The following GATA4 variants were observed in gnomAD, a reference collection of about 807,000 sequenced individuals.
GATA4 encodes the protein transcription factor GATA-4.
A neutral mutation model predicts 37.9 loss-of-function variants in GATA4; 7 were observed. That is an observed-to-expected ratio of 0.18 (90% CI 0.11 to 0.35). The LOEUF (loss-of-function observed/expected upper bound fraction) is 0.35. Ranked by LOEUF, GATA4 falls within the 10% of genes least tolerant of loss-of-function variation. The pLI, the probability that GATA4 is intolerant of heterozygous loss-of-function variation, is 1.00. For missense variants in GATA4, 647 were observed against 653.0 expected (o/e 0.99, Z 0.10); for synonymous variants, 372 against 292.6 (o/e 1.27, Z -2.77).
chr8:11,715,064 G>A (rs1291663035), intron 2 of GATA4, among the ~76,000 whole-genome samples: 1 of 152,116 alleles, frequency 6.6e-6, no homozygotes, highest in African/African-American at 2.4e-5. Context: ...TTTTATGCAC[G>A]TGGCACATAC....
chr8:11,706,574 AATTTGTC>A (rs1799898446), intron 1 of GATA4, among the ~76,000 whole-genome samples: 1 of 152,248 alleles, frequency 6.6e-6, no homozygotes, highest in African/African-American at 2.4e-5. Flanking sequence ...GAGGCTAAGT[AATTTGTC>A]TAAAGGTGTT....
intron 1 of GATA4, chr8:11,681,145 C>A: frequency 1.0e-6 from 1 of 985,400 alleles, no homozygotes; most frequent in Non-Finnish European, 1.2e-6. Flanking sequence ...CAGGGAATCT[C>A]CAGCTCCGTT....
chr8:11,750,285 C>A (rs372504154), intron 4 of GATA4, 49 bp downstream of exon 4: 2 of 1,605,594 alleles, frequency 1.2e-6, no homozygotes, highest in Non-Finnish European at 1.7e-6. Flanking sequence ...TGATGCCCAT[C>A]TCTCAGTCCT....
chr8:11,751,686 C>T (rs1802312971), intron 4 of GATA4, among the ~76,000 whole-genome samples: 1 of 152,176 alleles, frequency 6.6e-6, no homozygotes, highest in African/African-American at 2.4e-5. Flanking sequence ...AGAAGCTGCC[C>T]AGATAGCCAT....
chr8:11,698,635 C>T (rs930689952), intron 1 of GATA4, among the ~76,000 whole-genome samples: 9 of 152,138 alleles, frequency 5.9e-5, no homozygotes, highest in Middle Eastern at 3.2e-3. Flanking sequence ...GCTCCCTATG[C>T]CTCAGAAAGG....
chr8:11,722,079 C>T (rs538634144), intron 2 of GATA4, among the ~76,000 whole-genome samples: 1 of 152,314 alleles, frequency 6.6e-6, no homozygotes, highest in East Asian at 1.9e-4. Flanking sequence ...AACTCCTGGG[C>T]TTAAGCGATC....
intron 2 of GATA4, among the ~76,000 whole-genome samples, chr8:11,719,325 A>G (rs1306854538): frequency 6.6e-6 from 1 of 152,168 alleles, no homozygotes; most frequent in Non-Finnish European, 1.5e-5. Context: ...AGGCGGGGAA[A>G]ACAAACAACA....
chr8:11,712,259 T>C (rs1800219437), intron 2 of GATA4, among the ~76,000 whole-genome samples: 2 of 152,194 alleles, frequency 1.3e-5, no homozygotes, highest in African/African-American at 2.4e-5. Flanking sequence ...GGATTGTTCG[T>C]GGTAAACCTG....
At chr8:11,705,790 T>A (rs978326206) in intron 1 of GATA4, 23 of 152,256 alleles carry the variant, frequency 1.5e-4, no homozygotes, top group African/African-American at 5.5e-4. Flanking sequence ...GCAGAGAATG[T>A]GATAAAGACA....
chr8:11,683,426 G>A (rs976465466), intron 1 of GATA4, among the ~76,000 whole-genome samples: 1 of 150,418 alleles, frequency 6.6e-6, no homozygotes, highest in Non-Finnish European at 1.5e-5. Context: ...TGGGTTGGAG[G>A]TATCGTTTTT....
rs1554488911 is a variant in GATA4 at position 11,709,577 on chromosome 8, G to GGGGGGGGGA, written c.616+657_616+658insAGGGGGGGG. Among the ~76,000 whole-genome samples the GGGGGGGGGA allele has an allele frequency of 2.5e-4, 34 of 136,466 alleles. No individual in the cohort carries two copies. In the South Asian group the frequency reaches 2.6e-3, roughly 11 times the overall value. The allele number at this position is 136,466 out of a possible 152,430, so 89.5% of individuals were successfully genotyped here. A position where few individuals can be genotyped will look rare whatever the true frequency, so the allele number is the denominator to read the frequency against. On this transcript the variant is annotated intron_variant, in intron 2 of 6. Transcript: ENST00000532059. The surrounding 1 kb of genome is among the most constrained non-coding windows in gnomAD (Gnocchi z 4.3). ...GCGTGGGCGCATCATGCGGGCAGCGGGGGGGGGGGCGCACACGCCCGGTCA... is the reference window on the plus strand; with the variant it reads ...GCGTGGGCGCATCATGCGGGCAGCGGGGGGGGGGAGGGGGGGGGCGCACACGCCCGGTCA...
chr8:11,685,825 G>A (rs749355819), intron 1 of GATA4, among the ~76,000 whole-genome samples: 2 of 152,168 alleles, frequency 1.3e-5, no homozygotes, highest in Non-Finnish European at 2.9e-5. Flanking sequence ...CCAGGTGTGG[G>A]GTAGTGATGG....
At chr8:11,751,514 T>A (rs1328827755) in intron 4 of GATA4, among the ~76,000 whole-genome samples, 4 of 152,212 alleles carry the variant, frequency 2.6e-5, no homozygotes. Context: ...ACCCCCTTGG[T>A]ACCTTAGACG....
intron 2 of GATA4, among the ~76,000 whole-genome samples, chr8:11,727,040 G>C (rs34960871): frequency 1.3e-5 from 2 of 152,080 alleles, no homozygotes; most frequent in Admixed American, 6.6e-5. Flanking sequence ...GAGGCACCAG[G>C]AGAGCTGTGC....
intron 1 of GATA4, among the ~76,000 whole-genome samples, chr8:11,677,928 G>T (rs903465675): frequency 6.6e-6 from 1 of 151,820 alleles, no homozygotes; most frequent in African/African-American, 2.4e-5. Context: ...CATACAAGTC[G>T]AAATTACCTC....
At chr8:11,729,587 T>A (rs909199517) in intron 2 of GATA4, among the ~76,000 whole-genome samples, 50 of 150,760 alleles carry the variant, frequency 3.3e-4, no homozygotes, top group Non-Finnish European at 4.4e-4. Flanking sequence ...GCTACTTAGG[T>A]TGAACACAGA....
chr8:11,680,389 T>C, intron 1 of GATA4: 1 of 757,784 alleles, frequency 1.3e-6, no homozygotes, highest in Non-Finnish European at 1.6e-6. Context: ...TCGGATTCAT[T>C]GCCACTTTCC....
intron 2 of GATA4, among the ~76,000 whole-genome samples, chr8:11,739,082 G>C (rs927378996): frequency 2.0e-5 from 3 of 152,324 alleles, no homozygotes; most frequent in South Asian, 2.1e-4. Context: ...GGTGGAAAAA[G>C]TACTTTGTAC....
At chr8:11,715,357 A>C (rs1379992993) in intron 2 of GATA4, among the ~76,000 whole-genome samples, 1 of 152,214 alleles carries the variant, frequency 6.6e-6, no homozygotes, top group Non-Finnish European at 1.5e-5. Flanking sequence ...AACCACCTTA[A>C]TCATTTTTAT....
Sources: gnomAD v4.1 joint callset for allele counts (sites outside exome capture counted in the v4.1 genomes callset) on GRCh38, gnomAD v4.1.1 for gene constraint, Gnocchi (gnomAD v3.1) non-coding constraint, MANE v1.5 for transcripts, NCBI Gene and HGNC (gene_info 2026-07-23, HGNC 2026-07-21) for gene names.